Variants in SAMMSON observed in about 807,000 individuals in gnomAD.
SAMMSON encodes long intergenic non-protein coding RNA 1212.
intron 7 of SAMMSON, among the ~76,000 whole-genome samples, chr3:70,317,592 GTATGTATATATA>G (rs1474294990): frequency 6.6e-6 from 1 of 150,824 alleles, no homozygotes. Flanking sequence ...ATGTGTATCT[GTATGTATATATA>G]TATGTATGTA....
chr3:70,317,750 A>G (rs1193136326), intron 7 of SAMMSON, among the ~76,000 whole-genome samples: 5 of 151,766 alleles, frequency 3.3e-5, no homozygotes, highest in Non-Finnish European at 7.4e-5. Context: ...GGTTTTCTTC[A>G]TTACATCTAG....
intron 9 of SAMMSON, among the ~76,000 whole-genome samples, chr3:70,387,031 C>G (rs2106755056): frequency 6.6e-6 from 1 of 151,944 alleles, no homozygotes; most frequent in South Asian, 2.1e-4. Context: ...GGTATTAATT[C>G]TAAATTATTA....
At chr3:70,429,658 A>T (rs1187922058) in intron 2 of SAMMSON, among the ~76,000 whole-genome samples, 1 of 152,124 alleles carries the variant, frequency 6.6e-6, no homozygotes, top group East Asian at 1.9e-4. Flanking sequence ...AGTGGTTTGT[A>T]GTTCTCTTTG....
intron 4 of SAMMSON, among the ~76,000 whole-genome samples, chr3:70,076,623 C>A (rs1672562833): frequency 6.6e-6 from 1 of 152,006 alleles, no homozygotes; most frequent in South Asian, 2.1e-4. Flanking sequence ...AGAAAATTGG[C>A]CGCTGAAAAA....
At chr3:70,310,871 C>T (rs1702448276) in intron 7 of SAMMSON, among the ~76,000 whole-genome samples, 2 of 152,132 alleles carry the variant, frequency 1.3e-5, no homozygotes, top group Non-Finnish European at 2.9e-5. Context: ...TGTAGAATCA[C>T]ACAAACTGGC....
At chr3:70,145,417 T>G (rs981135392) in intron 4 of SAMMSON, among the ~76,000 whole-genome samples, 6 of 152,134 alleles carry the variant, frequency 3.9e-5, no homozygotes, top group African/African-American at 1.4e-4. Flanking sequence ...TTTCAAAGTA[T>G]GTAGAGCATC....
At chr3:70,014,004 A>T (rs2066970034) in intron 3 of SAMMSON, 1 of 152,120 alleles carries the variant, frequency 6.6e-6, no homozygotes, top group Non-Finnish European at 1.5e-5. Context: ...TTATTCAACG[A>T]CCTACAGGGT....
At chr3:70,061,264 G>A (rs1270849537) in intron 3 of SAMMSON, among the ~76,000 whole-genome samples, 5 of 152,150 alleles carry the variant, frequency 3.3e-5, no homozygotes, top group South Asian at 2.1e-4. Context: ...CCTAGCAGGC[G>A]AATGCAACTG....
chr3:70,122,570 C>T (rs1001743015), intron 4 of SAMMSON, among the ~76,000 whole-genome samples: 2 of 152,052 alleles, frequency 1.3e-5, no homozygotes, highest in Non-Finnish European at 2.9e-5. Context: ...TGTAAAATAA[C>T]ATTATGAACG....
chr3:70,408,728 A>G (rs1447643625), intron 2 of SAMMSON, among the ~76,000 whole-genome samples: 2 of 151,836 alleles, frequency 1.3e-5, no homozygotes, highest in Non-Finnish European at 2.9e-5. Context: ...AGCCCCCCAA[A>G]CTGTTCCAAA....
At chr3:70,062,509 A>C (rs1576112131) in intron 3 of SAMMSON, among the ~76,000 whole-genome samples, 1 of 152,142 alleles carries the variant, frequency 6.6e-6, no homozygotes, top group African/African-American at 2.4e-5. Context: ...GCCCCAGAAC[A>C]GTAGCAGGCA....
chr3:70,085,017 G>C (rs1287328896), intron 4 of SAMMSON, among the ~76,000 whole-genome samples: 5 of 152,132 alleles, frequency 3.3e-5, no homozygotes, highest in African/African-American at 1.2e-4. Flanking sequence ...GGTGAGTTCT[G>C]GGGAGGAATC....
Position 70,187,524 on chromosome 3 carries a change from G to A in SAMMSON, n.508-61583G>A, listed in dbSNP as rs1261425720. ...GCGATCTCGACTCACTGCAAGCTCC[G>A]CCTCCCGGGTTCACGCCATTCTCCT... On this transcript the variant is annotated intron_variant and non_coding_transcript_variant, in intron 4 of 9. Transcript: ENST00000642114. Among the ~76,000 whole-genome samples, 4 of 132,028 alleles carry A rather than the reference G, an allele frequency of 3.0e-5. No homozygotes were observed. In the East Asian group the frequency reaches 7.6e-4, roughly 25 times the overall value. The allele number at this position is 132,028 out of a possible 152,430, so 86.6% of individuals were successfully genotyped here.
intron 3 of SAMMSON, among the ~76,000 whole-genome samples, chr3:70,067,073 A>T (rs2067212386): frequency 6.6e-6 from 1 of 152,080 alleles, no homozygotes; most frequent in Non-Finnish European, 1.5e-5. Context: ...AAGAATTCTA[A>T]TCTAATAATA....
intron 2 of SAMMSON, among the ~76,000 whole-genome samples, chr3:70,407,683 T>A: frequency 6.6e-6 from 1 of 152,196 alleles, no homozygotes; most frequent in East Asian, 1.9e-4. Context: ...CCCAGCTGCC[T>A]TGAGTGCTTT....
intron 4 of SAMMSON, among the ~76,000 whole-genome samples, chr3:70,111,799 A>G (rs1408262424): frequency 1.3e-5 from 2 of 152,136 alleles, no homozygotes; most frequent in Non-Finnish European, 2.9e-5. Context: ...ACCTCAATGG[A>G]TAGGTCAAAT....
At chr3:70,392,932 A>C (rs1373240912), downstream of SAMMSON, among the ~76,000 whole-genome samples, 1 of 152,116 alleles carries the variant, frequency 6.6e-6, no homozygotes, top group East Asian at 1.9e-4. Flanking sequence ...GAAGTTTTGG[A>C]GCCAGGCAGA....
chr3:70,184,023 A>C (rs1451367974), intron 4 of SAMMSON: 1 of 152,198 alleles, frequency 6.6e-6, no homozygotes, highest in Non-Finnish European at 1.5e-5. Context: ...TGGATGCTCC[A>C]TGTTGGTACA....
At chr3:70,043,434 T>C (rs9856111) in intron 3 of SAMMSON, among the ~76,000 whole-genome samples, 16 of 152,122 alleles carry the variant, frequency 1.1e-4, no homozygotes, top group African/African-American at 3.6e-4. Context: ...AAATTTTACT[T>C]AAAATACACG....
Sources: gnomAD v4.1 joint callset for allele counts (sites outside exome capture counted in the v4.1 genomes callset) on GRCh38, gnomAD v4.1.1 for gene constraint, MANE v1.5 for transcripts, NCBI Gene and HGNC (gene_info 2026-07-23, HGNC 2026-07-21) for gene names.